Variants in NPIPB7 observed in about 807,000 individuals in gnomAD.
NPIPB7 encodes the protein nuclear pore complex-interacting protein family member B7.
For synonymous variants in NPIPB7, 9 were observed against 88.1 expected (o/e 0.10, Z 5.03); for missense variants, 14 against 238.5 (o/e 0.06, Z 6.20).
At chr16:28,464,205 ACATTT>A (rs1425545866) in intron 2 of NPIPB7, among the ~76,000 whole-genome samples, 1 of 143,532 alleles carries the variant, frequency 7.0e-6, no homozygotes, top group Non-Finnish European at 1.5e-5. Context: ...AGAATTTGTA[ACATTT>A]CACCCCCTGC....
intron 4 of NPIPB7, among the ~76,000 whole-genome samples, chr16:28,461,716 G>A (rs1185151480): frequency 4.0e-5 from 6 of 150,332 alleles, no homozygotes; most frequent in Middle Eastern, 6.8e-3. Flanking sequence ...TTGGGAGGCC[G>A]AGGTGTGTGG....
At chr16:28,463,754 A>T (rs1567248761) in intron 2 of NPIPB7, among the ~76,000 whole-genome samples, 1 of 125,054 alleles carries the variant, frequency 8.0e-6, no homozygotes, top group Non-Finnish European at 1.7e-5. Context: ...AAAAAAAAAT[A>T]GCCCAGGTGC....
upstream of NPIPB7, among the ~76,000 whole-genome samples, chr16:28,472,089 T>C (rs1407447124): frequency 6.6e-6 from 1 of 152,186 alleles, no homozygotes; most frequent in African/African-American, 2.4e-5. Flanking sequence ...TACAAAGCTA[T>C]AGTAATTAAG....
At chr16:28,471,751 G>A (rs1484019659), upstream of NPIPB7, among the ~76,000 whole-genome samples, 3 of 140,942 alleles carry the variant, frequency 2.1e-5, no homozygotes, top group East Asian at 2.0e-4. Flanking sequence ...TTTAACATCC[G>A]AAACCGAGTG....
rs561592792 is a variant in NPIPB7, at chr16:28,468,531, G to A, written c.67-1629C>T. Among the ~76,000 whole-genome samples the A allele has an allele frequency of 1.5e-3, 222 of 143,912 alleles. 6 individuals carry two copies. The South Asian group carries it at 0.047, about 30-fold the overall frequency. 94.4% of individuals were successfully genotyped at this position (143,912 alleles called of 152,430 possible). On this transcript the variant is annotated intron_variant, in intron 1 of 6. Transcript: ENST00000452313. ...TGCTTAAAAATTAACAAGGTGGGCC[G>A]GGTGTGGTGGCTCACGCCTGCAATC...
chr16:28,470,755 C>G (rs1244882448), upstream of NPIPB7, among the ~76,000 whole-genome samples: 1 of 150,414 alleles, frequency 6.6e-6, no homozygotes, highest in Admixed American at 6.6e-5. Flanking sequence ...GGATCCGGTT[C>G]AAATTAAGTT....
upstream of NPIPB7, among the ~76,000 whole-genome samples, chr16:28,472,224 G>C (rs953372588): frequency 6.6e-6 from 1 of 151,964 alleles, no homozygotes; most frequent in East Asian, 1.9e-4. Flanking sequence ...ACCAGACTGG[G>C]CAACATAGTG....
At chr16:28,461,718 GGT>G (rs1256809498) in intron 4 of NPIPB7, among the ~76,000 whole-genome samples, 2 of 150,360 alleles carry the variant, frequency 1.3e-5, no homozygotes, top group South Asian at 2.1e-4. Context: ...GGGAGGCCGA[GGT>G]GTGTGGATCA....
upstream of NPIPB7, among the ~76,000 whole-genome samples, chr16:28,470,745 G>A (rs2045944551): frequency 6.6e-6 from 1 of 150,922 alleles, no homozygotes; most frequent in South Asian, 2.1e-4. Context: ...GTCTGGGAAA[G>A]GATCCGGTTC....
At chr16:28,470,802 GAGA>G (rs1437892661), upstream of NPIPB7, among the ~76,000 whole-genome samples, 3 of 146,412 alleles carry the variant, frequency 2.0e-5, no homozygotes, top group African/African-American at 4.9e-5. Flanking sequence ...ACAGGTCACG[GAGA>G]AGATCAGGGA....
chr16:28,470,518 G>T (rs570617746), exon 1 of NPIPB7: 6 of 896,150 alleles, frequency 6.7e-6, no homozygotes, highest in East Asian at 5.4e-5. Context: ...GGAAGGGGAC[G>T]GGGACCGGGG....
Position 28,457,972 on chromosome 16 carries a change from TC to T in NPIPB7, c.642+413del, listed in dbSNP as rs1413502955. 2.9e-5 allele frequency among the ~76,000 whole-genome samples: 4 copies of T among 140,172 alleles called. No homozygotes were observed. In the East Asian group the frequency reaches 8.8e-4, roughly 31 times the overall value. The allele number at this position is 140,172 out of a possible 152,430, so 92.0% of individuals were successfully genotyped here. ...GCAAGTTTTAAAACTGTGTTTCACT[TC>T]AAGTGTACAAGTCCCATCACGTGTA... On this transcript the variant is annotated intron_variant, in intron 6 of 6. Coordinates refer to ENST00000452313, the Ensembl canonical transcript of NPIPB7.
chr16:28,457,173 CATA>C (rs2045850735), intron 6 of NPIPB7, 147 bp from the exon 7 acceptor site: 1 of 1,021,208 alleles, frequency 9.8e-7, no homozygotes, highest in Non-Finnish European at 1.4e-6. Flanking sequence ...GTATCAGTGT[CATA>C]ATATCACCCT....
intron 4 of NPIPB7, among the ~76,000 whole-genome samples, chr16:28,462,133 A>G (rs552194273): frequency 6.6e-6 from 1 of 150,580 alleles, no homozygotes; most frequent in Admixed American, 6.6e-5. Flanking sequence ...TAAAAAAAAA[A>G]AAAAGGCTGG....
chr16:28,472,056 A>G (rs2045954520), upstream of NPIPB7, among the ~76,000 whole-genome samples: 2 of 152,336 alleles, frequency 1.3e-5, no homozygotes, highest in South Asian at 4.1e-4. Flanking sequence ...GAGGATTCAC[A>G]TTTCCTATTT....
upstream of NPIPB7, among the ~76,000 whole-genome samples, chr16:28,472,250 C>CA (rs571252494): frequency 9.9e-3 from 1,506 of 151,738 alleles, 11 homozygotes; most frequent in Non-Finnish European, 0.017. Context: ...CCGTCTCTAC[C>CA]AAAAAAATGT....
chr16:28,463,619 G>A (rs78785894), intron 2 of NPIPB7, among the ~76,000 whole-genome samples: 46 of 144,120 alleles, frequency 3.2e-4, no homozygotes, highest in African/African-American at 1.0e-3. Flanking sequence ...CCAGCTAGTC[G>A]GGAGGCTGAG....
chr16:28,470,737 C>G, upstream of NPIPB7, among the ~76,000 whole-genome samples: 1 of 150,786 alleles, frequency 6.6e-6, no homozygotes, highest in Non-Finnish European at 1.5e-5. Flanking sequence ...AGAAAGGGGT[C>G]TGGGAAAGGA....
upstream of NPIPB7, among the ~76,000 whole-genome samples, chr16:28,470,849 G>T (rs2045945777): frequency 2.4e-5 from 3 of 126,048 alleles, no homozygotes; most frequent in African/African-American, 8.9e-5. Flanking sequence ...GGAGCGTGAG[G>T]CTTAGGAGCA....
Sources: gnomAD v4.1 joint callset for allele counts (sites outside exome capture counted in the v4.1 genomes callset) on GRCh38, gnomAD v4.1.1 for gene constraint, MANE v1.5 for transcripts, NCBI Gene and HGNC (gene_info 2026-07-23, HGNC 2026-07-21) for gene names.